DLD: variants seen among roughly 807,000 people sequenced by gnomAD.
DLD encodes dihydrolipoamide dehydrogenase.
A neutral mutation model predicts 62.2 loss-of-function variants in DLD; 36 were observed. The ratio of observed to expected loss-of-function variants is 0.58; its 90% confidence interval spans 0.44 to 0.76. The LOEUF (loss-of-function observed/expected upper bound fraction) is 0.76. DLD is among the 30% of genes least tolerant of loss of function. The pLI, the probability that DLD is intolerant of heterozygous loss-of-function variation, is 0.00. For synonymous variants in DLD, 204 were observed against 199.6 expected, an observed-to-expected ratio of 1.02 and a Z score of -0.19; for missense variants, 541 against 608.6, an observed-to-expected ratio of 0.89 and a Z score of 1.17.
intron 1 of DLD, chr7:107,891,626 T>G: frequency 3.9e-6 from 2 of 507,530 alleles, no homozygotes; most frequent in Non-Finnish European, 7.2e-6. Flanking sequence ...AAGCCACCCA[T>G]GTCCCGTATA....
At position 107,916,783 on chromosome 7, in the gene DLD, T is replaced by C. The variant is rs1351334869; in HGVS notation, c.876-11T>C. 1.9e-6 allele frequency: 3 copies of C among 1,612,618 alleles called. No homozygotes were observed. Among genetic ancestry groups the C allele is most frequent in the Non-Finnish European group, 1.7e-6 (2 of 1,179,362 alleles). On this transcript the variant is annotated splice_polypyrimidine_tract_variant and intron_variant, in intron 9 of 13. Transcript: ENST00000205402. ...TGTGTATTTAACATTTATACACTGT[T>C]TGTTATCTAGTATTGAAGCTGCTTC...
intron 8 of DLD, among the ~76,000 whole-genome samples, chr7:107,914,783 ATTG>A (rs1261959027): frequency 6.6e-6 from 1 of 152,192 alleles, no homozygotes; most frequent in African/African-American, 2.4e-5. Flanking sequence ...CCAGTTATGT[ATTG>A]TTTAATATAT....
chr7:107,893,310 A>G (rs1479570569), intron 2 of DLD, 32 bp downstream of exon 2: 4 of 1,493,752 alleles, frequency 2.7e-6, no homozygotes, highest in Middle Eastern at 1.7e-4. Flanking sequence ...TTTTTTCATC[A>G]CATTAGCTGA....
intron 8 of DLD, among the ~76,000 whole-genome samples, chr7:107,910,652 C>T (rs1053863256): frequency 6.6e-6 from 1 of 152,162 alleles, no homozygotes; most frequent in African/African-American, 2.4e-5. Context: ...TAATGAGCCA[C>T]TCTGAACCAG....
At chr7:107,917,763 A>G (rs546061378) in intron 11 of DLD, among the ~76,000 whole-genome samples, 161 bp from the exon 12 acceptor site, 31 of 152,348 alleles carry the variant, frequency 2.0e-4, no homozygotes, top group African/African-American at 6.7e-4. Context: ...TGCCTGAGAT[A>G]TAGTTCATTA....
intron 2 of DLD, among the ~76,000 whole-genome samples, chr7:107,901,110 G>A (rs1332464297): frequency 6.6e-6 from 1 of 151,972 alleles, no homozygotes; most frequent in Non-Finnish European, 1.5e-5. Flanking sequence ...CAATATGCAA[G>A]TACAAAACAT....
intron 5 of DLD, chr7:107,904,703 C>A (rs1222253271): frequency 7.1e-6 from 4 of 566,230 alleles, no homozygotes; most frequent in Non-Finnish European, 1.3e-5. Context: ...TATGTTATCA[C>A]AGTGGGATAT....
chr7:107,908,863 C>G (rs10241816), intron 8 of DLD, among the ~76,000 whole-genome samples: 3,349 of 152,214 alleles, frequency 0.022, 151 homozygotes, highest in African/African-American at 0.076. Context: ...GACCAAAGCT[C>G]CTTGAAGGCA....
At chr7:107,917,586 AT>A (rs2032300212) in intron 11 of DLD, 124 bp downstream of exon 11, 1 of 1,038,794 alleles carries the variant, frequency 9.6e-7, no homozygotes, top group Non-Finnish European at 1.5e-6. Flanking sequence ...TGTTTAGCTT[AT>A]ATATTTTTCC....
In DLD at chr7:107,904,321, A is replaced by G. The variant is rs116385251; in HGVS notation, c.338-637A>G. Among the ~76,000 whole-genome samples, 810 of 152,336 alleles carry G rather than the reference A, an allele frequency of 5.3e-3. 17 individuals are homozygous for G. Among genetic ancestry groups the G allele is most frequent in the African/African-American group, 0.018 (769 of 41,572 alleles). On this transcript the variant is annotated intron_variant, in intron 5 of 13. Coordinates refer to ENST00000205402, the MANE Select transcript of DLD (RefSeq NM_000108.5). ...ATTGTAGGCAAGGCTTTTACATCCT[A>G]GCTCTGTGACCTTGGGTAAATCAGA... is the stretch of plus-strand genomic sequence containing the variant.
intron 8 of DLD, 52 bp from the exon 9 acceptor site, chr7:107,915,454 C>T: frequency 6.4e-7 from 1 of 1,563,538 alleles, no homozygotes; most frequent in South Asian, 1.1e-5. Context: ...ATTTCGTAAA[C>T]ATTTGCTATA....
chr7:107,913,468 TA>T (rs1323786657), intron 8 of DLD, among the ~76,000 whole-genome samples: 1 of 152,076 alleles, frequency 6.6e-6, no homozygotes, highest in Non-Finnish European at 1.5e-5. Context: ...AATTGATTCT[TA>T]GGTATTTTAT....
At chr7:107,904,828 T>G in intron 5 of DLD, 130 bp from the exon 6 acceptor site, 1 of 710,226 alleles carries the variant, frequency 1.4e-6, no homozygotes, top group East Asian at 2.7e-5. Context: ...TTATAAGTTA[T>G]TACATTTTGA....
rs1272456593 is a variant in DLD, at chr7:107,920,382, T to C, written c.*1123T>C. On this transcript the variant is annotated 3_prime_UTR_variant, in exon 14 of 14. Coordinates refer to ENST00000205402, the MANE Select transcript of DLD (RefSeq NM_000108.5). The stretch of plus-strand genomic sequence containing the variant: ...AAGTAGTTCTGAAATTTGGTATAGA[T>C]AGCATAGATTGTCTCATGCTCATGA... 2.0e-5 allele frequency: 3 copies of C among 152,306 alleles called. No individual in the cohort carries two copies. The highest frequency in any genetic ancestry group is 4.4e-5 in the Non-Finnish European group (3 of 68,032). The allele number at this position is 152,306 out of a possible 1,614,324, so 9.4% of individuals were successfully genotyped here.
At chr7:107,911,954 A>G (rs2032154439) in intron 8 of DLD, among the ~76,000 whole-genome samples, 1 of 151,934 alleles carries the variant, frequency 6.6e-6, no homozygotes, top group African/African-American at 2.4e-5. Context: ...GTACTGATGA[A>G]TCAACCTCTC....
At chr7:107,899,327 TGA>T (rs1435648462) in intron 2 of DLD, among the ~76,000 whole-genome samples, 1 of 150,460 alleles carries the variant, frequency 6.6e-6, no homozygotes, top group African/African-American at 2.5e-5. Context: ...GTATGTACAG[TGA>T]GAGAGGAGCT....
intron 2 of DLD, 161 bp downstream of exon 2, chr7:107,893,439 C>G (rs1239726103): frequency 1.9e-6 from 1 of 530,684 alleles, no homozygotes; most frequent in Non-Finnish European, 3.2e-6. Context: ...CTAGTGTGTT[C>G]CAGGCGGTGA....
chr7:107,911,446 A>T (rs1191440622), intron 8 of DLD, among the ~76,000 whole-genome samples: 1 of 152,060 alleles, frequency 6.6e-6, no homozygotes, highest in Non-Finnish European at 1.5e-5. Context: ...TGCTATGTCT[A>T]TTTGTGTACA....
At chr7:107,891,382 C>T in intron 1 of DLD, 93 bp downstream of exon 1, 2 of 1,312,316 alleles carry the variant, frequency 1.5e-6, no homozygotes, top group Non-Finnish European at 2.0e-6. Flanking sequence ...GTTGGGCTGG[C>T]GGAGGCGGGC....
Sources: gnomAD v4.1 joint callset for allele counts (sites outside exome capture counted in the v4.1 genomes callset) on GRCh38, gnomAD v4.1.1 for gene constraint, MANE v1.5 for transcripts, NCBI Gene and HGNC (gene_info 2026-07-23, HGNC 2026-07-21) for gene names.